CUX2: variants seen among roughly 807,000 people sequenced by gnomAD.
CUX2 encodes the protein homeobox protein cut-like 2.
A neutral mutation model predicts 144.8 loss-of-function variants in CUX2; 40 were observed. That is an observed-to-expected ratio of 0.28 (90% CI 0.21 to 0.36). The LOEUF (loss-of-function observed/expected upper bound fraction) is 0.36. Ranked by LOEUF, CUX2 falls within the 10% of genes least tolerant of loss-of-function variation. The pLI is 1.00. For missense variants in CUX2, 1,615 were observed against 1,994.0 expected (o/e 0.81, Z 3.62); for synonymous variants, 827 against 875.6 (o/e 0.94, Z 0.98).
chr12:111,263,762 T>C lies in CUX2; in HGVS notation c.224T>C (p.Val75Ala), dbSNP rs1384998573. The C allele has an allele frequency of 6.2e-7, 1 of 1,613,198 alleles. No homozygotes were observed. Among genetic ancestry groups the C allele is most frequent in the Non-Finnish European group, 8.5e-7 (1 of 1,179,396 alleles). The change falls in exon 4 of 22, where the codon GTG (valine) becomes GCG (alanine). Residue 75 changes from valine (V) to alanine (A), a missense_variant and splice_region_variant. Val to Ala is a moderately conservative substitution (Grantham distance 64). Around this residue, in one of 12 missense-constraint regions of CUX2, gnomAD observed 295 missense variants for 400.2 expected, o/e 0.74. Coordinates refer to ENST00000261726, the MANE Select transcript of CUX2 (RefSeq NM_015267.4). The surrounding 1 kb of genome is among the most constrained non-coding windows in gnomAD (Gnocchi z 4.0). ...CTCTTTCTCTTGTTGTCTCCAAAGGTGGTGGCCCTTAGTAAGAGAAGTCAG... is the reference window on the plus strand; with the variant it reads ...CTCTTTCTCTTGTTGTCTCCAAAGGCGGTGGCCCTTAGTAAGAGAAGTCAG... ...APVLKSFQAE[V>A]VALSKRSQEA...
intron 3 of CUX2, among the ~76,000 whole-genome samples, chr12:111,260,297 T>C (rs1017687567): frequency 1.3e-4 from 19 of 151,646 alleles, no homozygotes; most frequent in African/African-American, 4.4e-4. Context: ...ACCCCGTCTC[T>C]ACTGAAAATA....
At chr12:111,306,801 C>T in intron 10 of CUX2, 120 bp from the exon 11 acceptor site, 2 of 760,990 alleles carry the variant, frequency 2.6e-6, no homozygotes, top group Non-Finnish European at 4.4e-6. Context: ...ACAAGCACAC[C>T]CCATACCATC....
At chr12:111,146,507 T>G (rs971940078) in intron 1 of CUX2, among the ~76,000 whole-genome samples, 1 of 152,102 alleles carries the variant, frequency 6.6e-6, no homozygotes, top group Non-Finnish European at 1.5e-5. Context: ...CCCCAGGAAA[T>G]GAGAACAGAT....
intron 1 of CUX2, among the ~76,000 whole-genome samples, chr12:111,098,874 A>C (rs1014261452): frequency 1.3e-5 from 2 of 152,230 alleles, no homozygotes; most frequent in African/African-American, 4.8e-5. Flanking sequence ...CATGGGGCTC[A>C]TGCCTGGTGC....
rs1324632317 is a variant in CUX2, at chr12:111,160,810, T to C, written c.64-53390T>C. ...GGGCTGATGGGGCTTGCGGTGATGA[T>C]GTAATGTGTCGGGATGGAATGAATG... On this transcript the variant is annotated intron_variant, in intron 1 of 21. Coordinates refer to ENST00000261726, the MANE Select transcript of CUX2 (RefSeq NM_015267.4). This position sits in a 1 kb window ranked among gnomAD's most constrained non-coding sequence, Gnocchi z 4.1. Among the ~76,000 whole-genome samples the C allele has an allele frequency of 6.6e-6, 1 of 151,992 alleles. No individual in the cohort carries two copies. The highest frequency in any genetic ancestry group is 1.5e-5 in the Non-Finnish European group (1 of 67,978).
intron 3 of CUX2, among the ~76,000 whole-genome samples, chr12:111,245,731 G>T (rs1346276047): frequency 6.6e-6 from 1 of 152,110 alleles, no homozygotes; most frequent in African/African-American, 2.4e-5. Context: ...AAGGGGACAG[G>T]GTAGGGACAG....
chr12:111,107,692 G>T (rs1873693562), intron 1 of CUX2, among the ~76,000 whole-genome samples: 1 of 152,234 alleles, frequency 6.6e-6, no homozygotes, highest in African/African-American at 2.4e-5. Context: ...GAAAACAAAT[G>T]CCTGAAATTA....
At chr12:111,063,570 G>A (rs896880887) in intron 1 of CUX2, among the ~76,000 whole-genome samples, 2 of 152,184 alleles carry the variant, frequency 1.3e-5, no homozygotes, top group African/African-American at 2.4e-5. Flanking sequence ...TTTGAGATAC[G>A]GTGGGCTTCC....
At chr12:111,170,182 G>A (rs1878427529) in intron 1 of CUX2, among the ~76,000 whole-genome samples, 1 of 152,146 alleles carries the variant, frequency 6.6e-6, no homozygotes, top group Admixed American at 6.5e-5. Context: ...GCTCACGCCT[G>A]TAATCCCAGC....
At chr12:111,079,025 C>A (rs1159231668) in intron 1 of CUX2, among the ~76,000 whole-genome samples, 1 of 152,216 alleles carries the variant, frequency 6.6e-6, no homozygotes, top group Non-Finnish European at 1.5e-5. Context: ...TGCAGCAGAA[C>A]ATTAGCTGTC....
chr12:111,088,710 C>T (rs1456112457), intron 1 of CUX2, among the ~76,000 whole-genome samples: 2 of 152,172 alleles, frequency 1.3e-5, no homozygotes, highest in African/African-American at 2.4e-5. Flanking sequence ...AGAGACAGGA[C>T]GCAGACCTGG....
intron 3 of CUX2, among the ~76,000 whole-genome samples, chr12:111,226,492 C>T (rs561346407): frequency 2.0e-5 from 3 of 152,284 alleles, no homozygotes; most frequent in African/African-American, 7.2e-5. Context: ...GTATTATATG[C>T]CTTATAAAGT....
At chr12:111,056,998 G>T (rs1191523599) in intron 1 of CUX2, among the ~76,000 whole-genome samples, 3 of 151,762 alleles carry the variant, frequency 2.0e-5, no homozygotes, top group Admixed American at 2.0e-4. Flanking sequence ...TGTAACAAGC[G>T]GTGGCCAAGC....
chr12:111,066,611 C>A (rs1871030345), intron 1 of CUX2, among the ~76,000 whole-genome samples: 1 of 152,160 alleles, frequency 6.6e-6, no homozygotes, highest in African/African-American at 2.4e-5. Flanking sequence ...GGGGAGTTCA[C>A]TTTATACAAG....
intron 4 of CUX2, among the ~76,000 whole-genome samples, chr12:111,264,757 A>G (rs1040859145): frequency 2.0e-5 from 3 of 152,218 alleles, no homozygotes; most frequent in Non-Finnish European, 4.4e-5. Context: ...CAAATAAAAA[A>G]GGAATGGAGC....
intron 1 of CUX2, among the ~76,000 whole-genome samples, chr12:111,211,190 G>T (rs1053378824): frequency 6.6e-6 from 1 of 152,196 alleles, no homozygotes; most frequent in African/African-American, 2.4e-5. Flanking sequence ...AGAATTCAGG[G>T]TTGAAGGACA....
chr12:111,101,237 G>A (rs1379677261), intron 1 of CUX2, among the ~76,000 whole-genome samples: 1 of 152,114 alleles, frequency 6.6e-6, no homozygotes, highest in Non-Finnish European at 1.5e-5. Flanking sequence ...ATTGGTTCCT[G>A]GGATGCACCT....
At chr12:111,111,142 A>G (rs1339377857) in intron 1 of CUX2, among the ~76,000 whole-genome samples, 3 of 152,088 alleles carry the variant, frequency 2.0e-5, no homozygotes, top group Non-Finnish European at 2.9e-5. Flanking sequence ...TCTCTACTAA[A>G]AATACAAAAA....
chr12:111,337,572 C>T (rs1888404952), intron 19 of CUX2, among the ~76,000 whole-genome samples: 1 of 152,172 alleles, frequency 6.6e-6, no homozygotes, highest in African/African-American at 2.4e-5. Flanking sequence ...TGAACTTGGG[C>T]AAGTGCAGCT....
Sources: allele counts gnomAD v4.1 joint callset (sites outside exome capture counted in the v4.1 genomes callset), GRCh38; gene constraint gnomAD v4.1.1; regional missense constraint gnomAD v4.1.1; non-coding constraint Gnocchi (gnomAD v3.1); transcripts MANE v1.5; gene names NCBI Gene and HGNC (gene_info 2026-07-23, HGNC 2026-07-21).